Variants in ZNF385D observed in about 807,000 individuals in gnomAD.
ZNF385D encodes zinc finger protein 385D, also known as zinc finger protein 659.
ZNF385D carries 15 observed loss-of-function variants against 35.8 expected under a neutral mutation model. That is an observed-to-expected ratio of 0.42 (90% CI 0.28 to 0.64). ZNF385D has a LOEUF of 0.64. ZNF385D is among the 30% of genes least tolerant of loss of function. ZNF385D has a pLI of 0.23. For synonymous variants in ZNF385D, 212 were observed against 186.8 expected (o/e 1.13, Z -1.10); for missense variants, 474 against 494.6 (o/e 0.96, Z 0.39).
intron 2 of ZNF385D, among the ~76,000 whole-genome samples, chr3:22,281,872 C>T (rs186650116): frequency 6.6e-6 from 1 of 151,862 alleles, no homozygotes; most frequent in African/African-American, 2.4e-5. Flanking sequence ...TGGTACTGAA[C>T]ATTTTTTGTT....
At chr3:21,670,362 A>C (rs2066528644) in intron 1 of ZNF385D, among the ~76,000 whole-genome samples, 1 of 151,908 alleles carries the variant, frequency 6.6e-6, no homozygotes, top group Non-Finnish European at 1.5e-5. Context: ...AACTCCTCCA[A>C]ACATTCACAT....
At chr3:21,637,301 T>A (rs991687087) in intron 2 of ZNF385D, among the ~76,000 whole-genome samples, 2 of 152,098 alleles carry the variant, frequency 1.3e-5, no homozygotes, top group Non-Finnish European at 2.9e-5. Context: ...GAGGATCAGG[T>A]TTCATTCTCC....
chr3:22,124,414 T>C (rs1477232545), intron 3 of ZNF385D, among the ~76,000 whole-genome samples: 1 of 152,184 alleles, frequency 6.6e-6, no homozygotes, highest in Non-Finnish European at 1.5e-5. Flanking sequence ...CTCTTTGATA[T>C]ACTGATTTCC....
intron 3 of ZNF385D, among the ~76,000 whole-genome samples, chr3:22,089,856 A>T (rs1701233822): frequency 6.6e-6 from 1 of 152,094 alleles, no homozygotes; most frequent in Non-Finnish European, 1.5e-5. Context: ...ATTTTATTTG[A>T]GATGGAGTCT....
At chr3:21,730,467 C>G (rs768633582) in intron 1 of ZNF385D, among the ~76,000 whole-genome samples, 14 of 152,166 alleles carry the variant, frequency 9.2e-5, no homozygotes, top group Non-Finnish European at 1.9e-4. Flanking sequence ...AAAAATGGTT[C>G]ATAATCCATT....
At chr3:22,197,716 T>C (rs917089264) in intron 2 of ZNF385D, among the ~76,000 whole-genome samples, 2 of 152,088 alleles carry the variant, frequency 1.3e-5, no homozygotes, top group Non-Finnish European at 2.9e-5. Flanking sequence ...TAATAGCAGC[T>C]TCCCTTCCCC....
At chr3:21,569,706 C>T (rs967059440) in intron 2 of ZNF385D, among the ~76,000 whole-genome samples, 7 of 151,692 alleles carry the variant, frequency 4.6e-5, no homozygotes, top group Non-Finnish European at 1.0e-4. Flanking sequence ...GGCACATATA[C>T]ACCATGGAAT....
chr3:22,191,653 G>T (rs977267318), intron 2 of ZNF385D, among the ~76,000 whole-genome samples: 2 of 152,128 alleles, frequency 1.3e-5, no homozygotes, highest in African/African-American at 4.8e-5. Context: ...TTAAGCTGAT[G>T]AAGTTGTTCT....
intron 3 of ZNF385D, among the ~76,000 whole-genome samples, chr3:21,920,332 G>C (rs1348662124): frequency 6.6e-6 from 1 of 151,806 alleles, no homozygotes; most frequent in African/African-American, 2.4e-5. Flanking sequence ...ATTTTTGAAG[G>C]AAAAAAAATT....
At chr3:22,107,633 T>C (rs1047498396) in intron 3 of ZNF385D, among the ~76,000 whole-genome samples, 8 of 152,100 alleles carry the variant, frequency 5.3e-5, no homozygotes, top group Admixed American at 3.3e-4. Context: ...CAGGAAAATA[T>C]ACAAAAATAT....
intron 2 of ZNF385D, among the ~76,000 whole-genome samples, chr3:22,234,235 G>A (rs1699052119): frequency 6.6e-6 from 1 of 152,030 alleles, no homozygotes; most frequent in Non-Finnish European, 1.5e-5. Flanking sequence ...CTTTTCTCCA[G>A]ACATCCCCTT....
At chr3:22,274,804 G>A (rs1049216755) in intron 2 of ZNF385D, among the ~76,000 whole-genome samples, 1 of 143,612 alleles carries the variant, frequency 7.0e-6, no homozygotes, top group Admixed American at 7.0e-5. Context: ...TTTTTTAAAA[G>A]TCTTCTTATT....
At chr3:21,467,329 T>A (rs910697102) in intron 4 of ZNF385D, among the ~76,000 whole-genome samples, 2 of 152,186 alleles carry the variant, frequency 1.3e-5, no homozygotes, top group East Asian at 3.9e-4. Context: ...ATATTTTAGA[T>A]ACGGGGCTTC....
intron 2 of ZNF385D, among the ~76,000 whole-genome samples, chr3:22,286,826 C>T (rs1181442460): frequency 6.6e-6 from 1 of 152,006 alleles, no homozygotes; most frequent in Non-Finnish European, 1.5e-5. Flanking sequence ...CATCCACGTG[C>T]ACATGAGAAG....
chr3:21,709,421 T>G (rs574010728), intron 1 of ZNF385D, among the ~76,000 whole-genome samples: 117 of 152,294 alleles, frequency 7.7e-4, no homozygotes, highest in African/African-American at 2.7e-3. Flanking sequence ...CTAAGGTGAC[T>G]GACCATACTC....
chr3:21,785,995 A>C (rs986950128), intron 3 of ZNF385D, among the ~76,000 whole-genome samples: 1 of 150,534 alleles, frequency 6.6e-6, no homozygotes, highest in Admixed American at 6.7e-5. Flanking sequence ...GGAGCATGTG[A>C]CTTATCCCAA....
chr3:22,181,235 G>A (rs897819237), intron 2 of ZNF385D, among the ~76,000 whole-genome samples: 1 of 152,020 alleles, frequency 6.6e-6, no homozygotes, highest in African/African-American at 2.4e-5. Flanking sequence ...CAGGCTATAT[G>A]AGAATATTTT....
At chr3:22,109,438 A>G (rs1411225648) in intron 3 of ZNF385D, among the ~76,000 whole-genome samples, 1 of 152,218 alleles carries the variant, frequency 6.6e-6, no homozygotes, top group Non-Finnish European at 1.5e-5. Context: ...AGCTTGAGCT[A>G]TCTGAGGACA....
chr3:22,166,990 T>G (rs553562711), intron 3 of ZNF385D, among the ~76,000 whole-genome samples: 1 of 152,358 alleles, frequency 6.6e-6, no homozygotes, highest in East Asian at 1.9e-4. Flanking sequence ...GAAGTCTAAG[T>G]AGAGACTGAA....
Sources: allele counts gnomAD v4.1 joint callset (sites outside exome capture counted in the v4.1 genomes callset), GRCh38; gene constraint gnomAD v4.1.1; transcripts MANE v1.5; gene names NCBI Gene and HGNC (gene_info 2026-07-23, HGNC 2026-07-21).